Variants in ACYP2 observed in about 807,000 individuals in gnomAD.
ACYP2 encodes acylphosphatase-2.
Under a neutral mutation model 11.2 loss-of-function variants are expected in ACYP2, and 12 were observed. The ratio of observed to expected loss-of-function variants is 1.08; its 90% CI spans 0.69 to 1.74. The LOEUF is 1.74. Ranked by LOEUF, ACYP2 falls within the 40% of genes most tolerant of loss-of-function variation. ACYP2 has a pLI of 0.00. For missense variants in ACYP2, 134 were observed against 101.9 expected, an observed-to-expected ratio of 1.31 and a Z score of -1.35; for synonymous variants, 43 against 32.2, an observed-to-expected ratio of 1.33 and a Z score of -1.13.
chr2:54,276,918 T>G (rs1483796807), intron 6 of ACYP2, among the ~76,000 whole-genome samples: 1 of 152,198 alleles, frequency 6.6e-6, no homozygotes, highest in Non-Finnish European at 1.5e-5. Flanking sequence ...ACTTGCTTTT[T>G]AAAAAAGCAT....
intron 2 of ACYP2, among the ~76,000 whole-genome samples, chr2:54,033,314 C>T (rs1469234393): frequency 6.6e-6 from 1 of 151,786 alleles, no homozygotes; most frequent in East Asian, 1.9e-4. Context: ...CTTCCGACCT[C>T]ACCCTTCCAA....
intron 2 of ACYP2, among the ~76,000 whole-genome samples, chr2:54,028,282 T>G (rs1674401549): frequency 6.6e-6 from 1 of 152,166 alleles, no homozygotes; most frequent in Non-Finnish European, 1.5e-5. Context: ...TGTCTAATGT[T>G]TTTCTTATTA....
chr2:54,250,601 T>A (rs1193862320), intron 6 of ACYP2, among the ~76,000 whole-genome samples: 1 of 152,222 alleles, frequency 6.6e-6, no homozygotes, highest in African/African-American at 2.4e-5. Flanking sequence ...TTATGTGATA[T>A]GAATTGATAT....
At chr2:54,238,441 C>G (rs899598971) in intron 6 of ACYP2, among the ~76,000 whole-genome samples, 2 of 151,980 alleles carry the variant, frequency 1.3e-5, no homozygotes, top group African/African-American at 4.8e-5. Flanking sequence ...GAAGAGTTCT[C>G]TACAGGAAGT....
chr2:54,269,545 C>A (rs576260295), intron 6 of ACYP2, among the ~76,000 whole-genome samples: 1 of 152,182 alleles, frequency 6.6e-6, no homozygotes, highest in African/African-American at 2.4e-5. Flanking sequence ...ACTCCCACAG[C>A]GTGTTCCTCA....
intron 6 of ACYP2, among the ~76,000 whole-genome samples, chr2:54,282,225 T>TA (rs1234148261): frequency 6.6e-6 from 1 of 152,228 alleles, no homozygotes; most frequent in African/African-American, 2.4e-5. Context: ...AAATATTATT[T>TA]ACACTCCTGT....
chr2:54,139,624 T>C (rs1206300105), intron 6 of ACYP2, among the ~76,000 whole-genome samples: 1 of 152,350 alleles, frequency 6.6e-6, no homozygotes, highest in Non-Finnish European at 1.5e-5. Context: ...TCACAACAGA[T>C]CTTATGAGGT....
intron 6 of ACYP2, among the ~76,000 whole-genome samples, chr2:54,175,445 C>T (rs1020823989): frequency 9.9e-5 from 15 of 152,052 alleles, no homozygotes; most frequent in African/African-American, 3.1e-4. Flanking sequence ...GTCTTGCTAG[C>T]GGTCTATCAA....
At position 54,134,489 on chromosome 2, in the gene ACYP2, A is replaced by G. The variant is rs72800763; in HGVS notation, c.278-964A>G. Among the ~76,000 whole-genome samples, 234 of 152,340 alleles carry G rather than the reference A, an allele frequency of 1.5e-3. 1 individual carries two copies. Among genetic ancestry groups the G allele is most frequent in the Non-Finnish European group, 2.6e-3 (179 of 68,024 alleles). On this transcript the variant is annotated intron_variant, in intron 4 of 6. Transcript: ENST00000607452. The stretch of plus-strand genomic sequence containing the variant: ...TAAGAAGATATCTTAAAAGTTGAGG[A>G]CAGCTAAATTTTATGCCAAGTATAC...
intron 2 of ACYP2, among the ~76,000 whole-genome samples, chr2:54,040,620 G>C (rs369821980): frequency 1.6e-3 from 251 of 152,316 alleles, no homozygotes; most frequent in African/African-American, 5.8e-3. Context: ...ATAGGGGAAA[G>C]ATTAGGTAAG....
chr2:54,296,780 CA>C (rs1573069282), intron 6 of ACYP2, among the ~76,000 whole-genome samples: 2 of 152,172 alleles, frequency 1.3e-5, no homozygotes, highest in East Asian at 3.8e-4. Flanking sequence ...ACATGGTTAT[CA>C]AATAACCTGA....
chr2:54,096,191 T>C (rs1184688890), intron 4 of ACYP2, among the ~76,000 whole-genome samples: 20 of 126,306 alleles, frequency 1.6e-4, no homozygotes, highest in African/African-American at 6.1e-4. Context: ...TCCTCACTTC[T>C]CAGACGGGGC....
chr2:54,023,344 G>A (rs966387063), intron 2 of ACYP2, among the ~76,000 whole-genome samples: 3 of 152,102 alleles, frequency 2.0e-5, no homozygotes, highest in African/African-American at 7.2e-5. Flanking sequence ...TTTTAAGAGA[G>A]GGGTCTCCCT....
intron 6 of ACYP2, among the ~76,000 whole-genome samples, chr2:54,210,731 CT>C (rs11432765): frequency 2.0e-5 from 3 of 150,870 alleles, no homozygotes; most frequent in African/African-American, 4.9e-5. Context: ...CTCATTAAGT[CT>C]TTTTTTTTCA....
At position 54,031,754 on chromosome 2, in the gene ACYP2, C is replaced by T. The variant is rs568928611; in HGVS notation, c.63-19204C>T. ...TACAGTCCCACCAACAGTGTAAAAG[C>T]GTTCCTATTCCTCCACATCCTCTCC... On this transcript the variant is annotated intron_variant, in intron 2 of 6. Transcript: ENST00000607452. 1.2e-3 allele frequency among the ~76,000 whole-genome samples: 190 copies of T among 152,246 alleles called. 2 individuals carry two copies. Among genetic ancestry groups the T allele is most frequent in the African/African-American group, 4.0e-3 (167 of 41,558 alleles).
In ACYP2 at chr2:54,164,801, T is replaced by C. The variant is rs180785036; in HGVS notation, c.404+26053T>C. On this transcript the variant is annotated intron_variant, in intron 6 of 6. Transcript: ENST00000607452. ...GTGGTTTGCTGCACCTATCAACTTATCATCTAGTTTTTAAGCCCCACAGCC... is the reference window on the plus strand; with the variant it reads ...GTGGTTTGCTGCACCTATCAACTTACCATCTAGTTTTTAAGCCCCACAGCC... 3.4e-4 allele frequency among the ~76,000 whole-genome samples: 52 copies of C among 152,290 alleles called. 1 individual carries two copies. Among genetic ancestry groups the C allele is most frequent in the African/African-American group, 1.2e-3 (48 of 41,564 alleles).
At chr2:54,062,783 C>A (rs1441529997) in intron 4 of ACYP2, among the ~76,000 whole-genome samples, 3 of 152,108 alleles carry the variant, frequency 2.0e-5, no homozygotes. Flanking sequence ...AAAGTAAACT[C>A]GTAGAATTTT....
chr2:54,254,909 A>C, intron 6 of ACYP2: 1 of 1,600,178 alleles, frequency 6.2e-7, no homozygotes. Flanking sequence ...AGTAATTCCA[A>C]AGGCAAAGGT....
At chr2:53,995,413 ATTAAAC>A (rs1672522748) in intron 2 of ACYP2, among the ~76,000 whole-genome samples, 1 of 152,056 alleles carries the variant, frequency 6.6e-6, no homozygotes. Context: ...GCATGAAATA[ATTAAAC>A]TTAAAATATC....
Sources: gnomAD v4.1 joint callset for allele counts (sites outside exome capture counted in the v4.1 genomes callset) on GRCh38, gnomAD v4.1.1 for gene constraint, MANE v1.5 for transcripts, NCBI Gene and HGNC (gene_info 2026-07-23, HGNC 2026-07-21) for gene names.